Variants in KIF24 observed in about 807,000 individuals in gnomAD.
The protein encoded by KIF24 is kinesin-like protein KIF24.
A neutral mutation model predicts 118.9 loss-of-function variants in KIF24; 81 were observed. The observed-to-expected ratio is 0.68, with a 90% CI of 0.57 to 0.82. The LOEUF (loss-of-function observed/expected upper bound fraction) is 0.82. Ranked by LOEUF, KIF24 falls within the 40% of genes least tolerant of loss-of-function variation. The probability of loss-of-function intolerance (pLI) is 0.00; values close to 1 mark genes in which losing one functional copy is unlikely to be tolerated. For synonymous variants in KIF24, 599 were observed against 610.0 expected (o/e 0.98, Z 0.27); for missense variants, 1,560 against 1,661.6 (o/e 0.94, Z 1.06).
chr9:34,331,021 G>C (rs1463348540), upstream of KIF24, among the ~76,000 whole-genome samples: 1 of 152,160 alleles, frequency 6.6e-6, no homozygotes. Context: ...TAGTCAGTGC[G>C]TTGGTGTACT....
At chr9:34,277,728 A>G (rs895837682) in intron 6 of KIF24, among the ~76,000 whole-genome samples, 1 of 152,212 alleles carries the variant, frequency 6.6e-6, no homozygotes, top group Admixed American at 6.5e-5. Flanking sequence ...TTTTTCCAAT[A>G]ACAGCTTGCT....
upstream of KIF24, among the ~76,000 whole-genome samples, chr9:34,330,033 G>T (rs1049331812): frequency 2.0e-5 from 3 of 152,202 alleles, no homozygotes; most frequent in African/African-American, 7.2e-5. Context: ...GGATAATATC[G>T]TGGCAGTTAT....
At chr9:34,277,843 T>C (rs1835711677) in intron 6 of KIF24, among the ~76,000 whole-genome samples, 1 of 152,196 alleles carries the variant, frequency 6.6e-6, no homozygotes, top group African/African-American at 2.4e-5. Flanking sequence ...GTAAATGACA[T>C]ACACAACTGA....
intron 3 of KIF24, among the ~76,000 whole-genome samples, chr9:34,301,882 GAATAGAGA>G (rs1160252015): frequency 1.3e-5 from 2 of 151,626 alleles, no homozygotes; most frequent in African/African-American, 4.8e-5. Context: ...AAAATATAGA[GAATAGAGA>G]AGAAAATAAA....
Position 34,318,613 on chromosome 9 carries a change from GC to G in KIF24, c.-25-7243del. 6.7e-7 allele frequency: 1 copy of G among 1,493,546 alleles called. No homozygotes were observed. The highest frequency in any genetic ancestry group is 9.2e-7 in the Non-Finnish European group (1 of 1,088,412). The allele number at this position is 1,493,546 out of a possible 1,614,324, so 92.5% of individuals were successfully genotyped here. A position where few individuals can be genotyped will look rare whatever the true frequency, so the allele number is the denominator to read the frequency against. On this transcript the variant is annotated intron_variant, in intron 1 of 12. Coordinates refer to ENST00000402558, the MANE Select transcript of KIF24 (RefSeq NM_194313.4). This position sits in a 1 kb window ranked among gnomAD's most constrained non-coding sequence, Gnocchi z 4.9. Reference sequence around the variant, plus strand: ...AGGCGGTGGAGAACATCCTGGTGTCGCCCGTGGTGGTGGCCTCGTCGTTGGG... The same window carrying G: ...AGGCGGTGGAGAACATCCTGGTGTCGCCGTGGTGGTGGCCTCGTCGTTGGG...
intron 1 of KIF24, among the ~76,000 whole-genome samples, chr9:34,327,375 G>C: frequency 6.6e-6 from 1 of 151,884 alleles, no homozygotes; most frequent in Non-Finnish European, 1.5e-5. Context: ...AGAAACTGTG[G>C]TTCTCCCTAA....
intron 5 of KIF24, among the ~76,000 whole-genome samples, chr9:34,289,033 TA>T (rs1195545696): frequency 1.3e-5 from 2 of 152,114 alleles, no homozygotes; most frequent in East Asian, 3.9e-4. Context: ...ACCAAGAAGG[TA>T]AAAAAGAAAG....
At chr9:34,294,751 A>G (rs1374203587) in intron 4 of KIF24, among the ~76,000 whole-genome samples, 2 of 152,244 alleles carry the variant, frequency 1.3e-5, no homozygotes, top group Non-Finnish European at 1.5e-5. Context: ...TGTTAAGCAT[A>G]TAAGTATAAT....
intron 1 of KIF24, among the ~76,000 whole-genome samples, 194 bp downstream of exon 1, chr9:34,328,912 G>T: frequency 6.6e-6 from 1 of 152,220 alleles, no homozygotes; most frequent in East Asian, 1.9e-4. Context: ...TGAAGAAAAG[G>T]CAGAGATATG....
Position 34,256,149 on chromosome 9 carries a change from G to A in KIF24, c.3458C>T (p.Ala1153Val), listed in dbSNP as rs750827114. 1 of 1,606,788 alleles carries A rather than the reference G, an allele frequency of 6.2e-7. No individual in the cohort carries two copies. Among genetic ancestry groups the A allele is most frequent in the Admixed American group, 1.7e-5 (1 of 59,776 alleles). The change falls in exon 11 of 13, where the codon GCC (alanine) becomes GTC (valine). Residue 1153 changes from alanine (A) to valine (V), a missense_variant. By Grantham distance (64) the Ala-to-Val change is moderately conservative. Transcript: ENST00000402558. ...AAGTACAGTCTCTCTGCTCTGGCAG[G>A]CCTCTCCTAGGTCTGCCTCCCTGCT... ...LPSREADLGE[A>V]CQSRETVLFS... is the part of the protein sequence containing the mutation.
At chr9:34,313,738 G>GTTTTTTTTTTTTTTTTTTTT (rs5897567) in intron 1 of KIF24, among the ~76,000 whole-genome samples, 1 of 130,360 alleles carries the variant, frequency 7.7e-6, no homozygotes, top group African/African-American at 2.7e-5. Flanking sequence ...CCCGTTATCT[G>GTTTTTTTTTTTTTTTTTTTT]TTTTTTTTTT....
At chr9:34,266,908 C>G (rs544801595) in intron 8 of KIF24, among the ~76,000 whole-genome samples, 8 of 150,806 alleles carry the variant, frequency 5.3e-5, no homozygotes, top group Non-Finnish European at 1.0e-4. Context: ...ATTTAAGCAG[C>G]AAAAAAAGAT....
At chr9:34,298,716 C>T (rs948715069) in intron 3 of KIF24, among the ~76,000 whole-genome samples, 12 of 152,176 alleles carry the variant, frequency 7.9e-5, no homozygotes, top group Admixed American at 5.9e-4. Context: ...TCAGTCTTTA[C>T]TGGAAGATTA....
chr9:34,328,620 G>A (rs1187634803), intron 1 of KIF24, among the ~76,000 whole-genome samples: 1 of 152,170 alleles, frequency 6.6e-6, no homozygotes, highest in Non-Finnish European at 1.5e-5. Context: ...GCATGAAGAG[G>A]AATCCAATCT....
intron 1 of KIF24, among the ~76,000 whole-genome samples, chr9:34,327,786 T>C (rs1837718749): frequency 6.6e-6 from 1 of 151,558 alleles, no homozygotes. Flanking sequence ...GGTGAGCTAT[T>C]ATCATGCTAG....
Position 34,318,663 on chromosome 9 carries a change from CG to C in KIF24, c.-25-7293del. On this transcript the variant is annotated intron_variant, in intron 1 of 12. Transcript: ENST00000402558. This position sits in a 1 kb window ranked among gnomAD's most constrained non-coding sequence, Gnocchi z 4.9. ...GGGCTCGTGTCGCTGGGCGGCAAGG[CG>C]ACCACGGCGTCGGAGGCCAAGGCAG... 1 of 1,539,108 alleles carries C rather than the reference CG, an allele frequency of 6.5e-7. No individual in the cohort carries two copies. Among genetic ancestry groups the C allele is most frequent in the Non-Finnish European group, 8.8e-7 (1 of 1,134,416 alleles).
In KIF24 at chr9:34,256,696, C is replaced by T; in HGVS notation, c.2911G>A (p.Gly971Arg). The T allele has an allele frequency of 6.2e-7, 1 of 1,613,978 alleles. No homozygotes were observed. Among genetic ancestry groups the T allele is most frequent in the Non-Finnish European group, 8.5e-7 (1 of 1,179,884 alleles). Reference protein sequence around the residue: ...RKDASQSEVSGENEGNLPSPE... With the variant: ...RKDASQSEVSRENEGNLPSPE... ...GATGGCAAGTTGCCCTCATTCTCCC[C>T]AGAAACCTCACTTTGGGAGGCATCC... The change falls in exon 11 of 13, where the codon GGG (glycine) becomes AGG (arginine). Residue 971 changes from glycine to arginine, a missense_variant. Physicochemically the swap from Gly to Arg is moderately radical, Grantham distance 125. This residue lies in a region of KIF24 where 591 missense variants were observed against 655.6 expected (regional missense o/e 0.90). Transcript: ENST00000402558.
chr9:34,329,795 C>T (rs117117451), upstream of KIF24, among the ~76,000 whole-genome samples: 334 of 152,248 alleles, frequency 2.2e-3, 9 homozygotes, highest in East Asian at 0.06. Context: ...CTGTCTGCAC[C>T]GGGAGAAGGG....
At chr9:34,288,014 T>C (rs1438400817) in intron 5 of KIF24, among the ~76,000 whole-genome samples, 1 of 151,900 alleles carries the variant, frequency 6.6e-6, no homozygotes, top group African/African-American at 2.4e-5. Context: ...GAAAGATTCC[T>C]CATGGACAGC....
Sources: gnomAD v4.1 joint callset for allele counts (sites outside exome capture counted in the v4.1 genomes callset) on GRCh38, gnomAD v4.1.1 for gene constraint, gnomAD v4.1.1 regional missense constraint, Gnocchi (gnomAD v3.1) non-coding constraint, MANE v1.5 for transcripts, NCBI Gene and HGNC (gene_info 2026-07-23, HGNC 2026-07-21) for gene names.